Variants in DCC observed in about 807,000 individuals in gnomAD.
The protein encoded by DCC is netrin receptor DCC.
In DCC, 58 loss-of-function variants were observed where a neutral mutation model predicts 172.5. The ratio of observed to expected loss-of-function variants is 0.34; its 90% CI spans 0.27 to 0.42. DCC has a LOEUF of 0.42. DCC is among the 10% of genes least tolerant of loss of function. The pLI is 1.00. For synonymous variants in DCC, 709 were observed against 644.5 expected, an observed-to-expected ratio of 1.10 and a Z score of -1.52; for missense variants, 1,740 against 1,791.0, an observed-to-expected ratio of 0.97 and a Z score of 0.51.
intron 7 of DCC, among the ~76,000 whole-genome samples, chr18:53,092,478 A>G (rs1253479149): frequency 1.3e-5 from 2 of 152,202 alleles, no homozygotes; most frequent in East Asian, 3.9e-4. Context: ...TCATTTATTA[A>G]AGCATATAAA....
At chr18:53,514,679 A>G (rs1019933573) in intron 27 of DCC, among the ~76,000 whole-genome samples, 3 of 152,160 alleles carry the variant, frequency 2.0e-5, no homozygotes, top group African/African-American at 7.2e-5. Flanking sequence ...ACCTCTACAC[A>G]AATAAACTAG....
rs1255455393 is a variant in DCC at position 53,525,665 on chromosome 18, CCAAA to C, written c.4112-948_4112-945del. ...AGAATTTTATTTTCCACAGTGTAGT[CCAAA>C]CAACTTTTTCTTGGCAAAATATAGG... On this transcript the variant is annotated intron_variant, in intron 27 of 28. Transcript: ENST00000442544. Among the ~76,000 whole-genome samples, 5 of 152,146 alleles carry C rather than the reference CCAAA, an allele frequency of 3.3e-5. No individual in the cohort carries two copies. In the South Asian group the frequency reaches 1.0e-3, roughly 32 times the overall value.
intron 5 of DCC, among the ~76,000 whole-genome samples, chr18:52,957,188 T>A (rs560448936): frequency 2.0e-5 from 3 of 152,150 alleles, no homozygotes; most frequent in Non-Finnish European, 4.4e-5. Flanking sequence ...TTTATGATCA[T>A]TTATGATCTT....
chr18:53,046,506 C>CT (rs1411985611), intron 5 of DCC, among the ~76,000 whole-genome samples: 1 of 150,004 alleles, frequency 6.7e-6, no homozygotes, highest in Admixed American at 6.6e-5. Context: ...AGATAATTTA[C>CT]TTTTTTTAGC....
chr18:52,420,845 G>C (rs1426830796), intron 1 of DCC, among the ~76,000 whole-genome samples: 3 of 152,088 alleles, frequency 2.0e-5, no homozygotes, highest in African/African-American at 7.2e-5. Flanking sequence ...TAGGTTTAAT[G>C]AGGATTGGGT....
chr18:53,269,103 T>G (rs889570208), intron 12 of DCC, among the ~76,000 whole-genome samples: 2 of 152,154 alleles, frequency 1.3e-5, no homozygotes, highest in African/African-American at 4.8e-5. Context: ...TGTGTGTGTG[T>G]GTGTGTGCAT....
At chr18:52,953,023 A>G (rs888444803) in intron 5 of DCC, among the ~76,000 whole-genome samples, 1 of 149,154 alleles carries the variant, frequency 6.7e-6, no homozygotes, top group Admixed American at 6.9e-5. Flanking sequence ...AAAAAAAAAA[A>G]AAAAACTCAT....
At chr18:52,884,456 G>A (rs1211830372) in intron 2 of DCC, among the ~76,000 whole-genome samples, 2 of 150,740 alleles carry the variant, frequency 1.3e-5, no homozygotes, top group African/African-American at 4.9e-5. Context: ...TCTTTCTTCT[G>A]CTCAATCAGT....
At chr18:52,798,726 A>G (rs2037924919) in intron 2 of DCC, among the ~76,000 whole-genome samples, 1 of 150,610 alleles carries the variant, frequency 6.6e-6, no homozygotes, top group African/African-American at 2.4e-5. Flanking sequence ...CTGTATTTAG[A>G]GCCCCAAACC....
At chr18:52,497,324 CAT>C (rs201700051) in intron 1 of DCC, among the ~76,000 whole-genome samples, 4,853 of 28,394 alleles carry the variant, frequency 0.17, 1,170 homozygotes, top group Non-Finnish European at 0.24. Flanking sequence ...TACACACACA[CAT>C]ATATATACAC....
At position 52,340,730 on chromosome 18, in the gene DCC, A is replaced by G; in HGVS notation, c.-58A>G. On this transcript the variant is annotated 5_prime_UTR_variant, in exon 1 of 29. It removes an upstream start codon present in the reference 5' UTR. Transcript: ENST00000442544. ...CATGTGTGCATGCGTGTGTGAGTGC[A>G]TGTGTGTGAGTGCTGCCGCTGCCCG... 1 of 1,222,000 alleles carries G rather than the reference A, an allele frequency of 8.2e-7. No individual in the cohort carries two copies. The highest frequency in any genetic ancestry group is 1.2e-6 in the Non-Finnish European group (1 of 823,034). 75.7% of individuals were successfully genotyped at this position (1,222,000 alleles called of 1,614,324 possible).
At chr18:53,157,610 G>A in intron 8 of DCC, 98 bp downstream of exon 8, 1 of 1,254,774 alleles carries the variant, frequency 8.0e-7, no homozygotes, top group African/African-American at 1.5e-5. Context: ...AGGAACTTTG[G>A]AGAGGCTGTG....
chr18:53,093,037 A>G (rs758005239), intron 7 of DCC, among the ~76,000 whole-genome samples: 14 of 152,294 alleles, frequency 9.2e-5, no homozygotes, highest in Admixed American at 2.0e-4. Context: ...TTGGGAGGCC[A>G]AGGCAGGCAG....
intron 5 of DCC, chr18:52,940,894 T>C (rs1452482952): frequency 1.3e-5 from 2 of 152,054 alleles, no homozygotes; most frequent in Non-Finnish European, 2.9e-5. Context: ...TTGAACAGAG[T>C]AGTATTTTAG....
At chr18:52,610,420 G>GAAAAAGA (rs2034254994) in intron 1 of DCC, among the ~76,000 whole-genome samples, 6 of 97,918 alleles carry the variant, frequency 6.1e-5, no homozygotes, top group African/African-American at 2.3e-4. Flanking sequence ...AAAAGAAAAA[G>GAAAAAGA]AAAAAAAAAA....
intron 8 of DCC, among the ~76,000 whole-genome samples, chr18:53,164,890 A>G (rs2054892962): frequency 6.6e-6 from 1 of 152,180 alleles, no homozygotes; most frequent in African/African-American, 2.4e-5. Context: ...ACAAATGAGT[A>G]TGCCTTTCTC....
intron 5 of DCC, among the ~76,000 whole-genome samples, chr18:52,947,507 T>A (rs1024685817): frequency 6.6e-6 from 1 of 152,212 alleles, no homozygotes; most frequent in Non-Finnish European, 1.5e-5. Flanking sequence ...CACTTGAGGA[T>A]GTTTCTATAA....
At chr18:53,171,096 G>C (rs2055007227) in intron 8 of DCC, among the ~76,000 whole-genome samples, 1 of 152,052 alleles carries the variant, frequency 6.6e-6, no homozygotes, top group African/African-American at 2.4e-5. Context: ...GATTGGCCAG[G>C]CTGGTCTCGA....
intron 1 of DCC, among the ~76,000 whole-genome samples, chr18:52,541,909 A>ATATG (rs1436486395): frequency 2.1e-5 from 3 of 144,350 alleles, no homozygotes; most frequent in Non-Finnish European, 4.5e-5. Flanking sequence ...GTATATATAT[A>ATATG]TGTACACAAT....
Sources: gnomAD v4.1 joint callset for allele counts (sites outside exome capture counted in the v4.1 genomes callset) on GRCh38, gnomAD v4.1.1 for gene constraint, MANE v1.5 for transcripts, NCBI Gene and HGNC (gene_info 2026-07-23, HGNC 2026-07-21) for gene names.